Variants in ATXN1 observed in about 807,000 individuals in gnomAD.
The protein encoded by ATXN1 is ataxin 1.
In ATXN1, 8 loss-of-function variants were observed where a neutral mutation model predicts 56.4. The observed-to-expected ratio is 0.14, with a 90% CI of 0.08 to 0.26. The LOEUF (loss-of-function observed/expected upper bound fraction) is 0.26. Among genes scored for constraint, ATXN1 ranks in the 10% least tolerant of loss-of-function variants. The pLI is 1.00. For missense variants in ATXN1, 987 were observed against 1,106.5 expected (o/e 0.89, Z 1.53); for synonymous variants, 514 against 494.6 (o/e 1.04, Z -0.52).
At chr6:16,654,593 A>G (rs1758153930) in intron 3 of ATXN1, among the ~76,000 whole-genome samples, 1 of 150,940 alleles carries the variant, frequency 6.6e-6, no homozygotes, top group Non-Finnish European at 1.5e-5. Flanking sequence ...CCAGTCAGTG[A>G]AGTCCTGAGG....
intron 3 of ATXN1, among the ~76,000 whole-genome samples, chr6:16,653,374 T>C (rs774950033): frequency 6.6e-6 from 1 of 152,252 alleles, no homozygotes. Context: ...GTGCGTCCAC[T>C]AGAGCTAAAC....
At chr6:16,378,239 C>T (rs1762182736) in intron 6 of ATXN1, among the ~76,000 whole-genome samples, 1 of 152,262 alleles carries the variant, frequency 6.6e-6, no homozygotes, top group African/African-American at 2.4e-5. Context: ...GTACCACTCC[C>T]CTGGTCTGTC....
intron 4 of ATXN1, among the ~76,000 whole-genome samples, chr6:16,537,954 T>G (rs955794834): frequency 6.6e-6 from 1 of 152,006 alleles, no homozygotes; most frequent in Admixed American, 6.6e-5. Context: ...AATACAAAAA[T>G]TAGCCAGGCA....
Position 16,423,782 on chromosome 6 carries a change from G to C in ATXN1, c.-161+62190C>G, listed in dbSNP as rs1759083876. On this transcript the variant is annotated intron_variant, in intron 6 of 7. Coordinates refer to ENST00000436367, the MANE Select transcript of ATXN1 (RefSeq NM_001128164.2). ...TACAGTGCTCCTGGAGAAGCAAGTT[G>C]GAGGCTGCTGGTATCATGCATACAC... Among the ~76,000 whole-genome samples the C allele has an allele frequency of 2.0e-5, 3 of 152,216 alleles. No homozygotes were observed. The South Asian group carries it at 6.2e-4, about 32-fold the overall frequency.
intron 4 of ATXN1, among the ~76,000 whole-genome samples, chr6:16,546,113 G>A (rs1044073113): frequency 5.3e-5 from 8 of 152,160 alleles, no homozygotes; most frequent in Non-Finnish European, 1.0e-4. Context: ...GTAGGAGGGC[G>A]ATGGGAAGAA....
At chr6:16,566,749 G>A (rs1378197327) in intron 4 of ATXN1, among the ~76,000 whole-genome samples, 4 of 152,090 alleles carry the variant, frequency 2.6e-5, no homozygotes, top group African/African-American at 4.8e-5. Flanking sequence ...TCAGCTACTC[G>A]GGAGGCTGAG....
At chr6:16,481,288 T>G (rs969508866) in intron 6 of ATXN1, among the ~76,000 whole-genome samples, 26 of 152,288 alleles carry the variant, frequency 1.7e-4, no homozygotes, top group African/African-American at 6.0e-4. Flanking sequence ...GATTTTTTTT[T>G]TGTAACGCTG....
intron 6 of ATXN1, among the ~76,000 whole-genome samples, chr6:16,357,360 C>T (rs1213611575): frequency 3.9e-5 from 6 of 151,938 alleles, no homozygotes; most frequent in African/African-American, 1.5e-4. Flanking sequence ...ACCTCTGCCT[C>T]CCGGGTTCAA....
intron 3 of ATXN1, among the ~76,000 whole-genome samples, chr6:16,586,903 C>T (rs1253459886): frequency 1.3e-5 from 2 of 151,966 alleles, no homozygotes; most frequent in African/African-American, 4.8e-5. Flanking sequence ...CCCGTAATCC[C>T]AGCTACTCAG....
chr6:16,460,064 T>C (rs1245491435), intron 6 of ATXN1, among the ~76,000 whole-genome samples: 1 of 152,128 alleles, frequency 6.6e-6, no homozygotes, highest in African/African-American at 2.4e-5. Context: ...TTGGGATCAC[T>C]GGCTTTTACC....
intron 2 of ATXN1, among the ~76,000 whole-genome samples, chr6:16,697,301 T>C (rs1205499288): frequency 2.0e-5 from 3 of 152,350 alleles, no homozygotes; most frequent in African/African-American, 2.4e-5. Flanking sequence ...ACCAAACTTA[T>C]AATTTCCACT....
intron 5 of ATXN1, among the ~76,000 whole-genome samples, chr6:16,488,658 C>T (rs1257934094): frequency 6.6e-6 from 1 of 152,210 alleles, no homozygotes; most frequent in Non-Finnish European, 1.5e-5. Context: ...AAAGCATCAT[C>T]CAACAGGCTC....
At chr6:16,442,436 C>T (rs192185748) in intron 6 of ATXN1, among the ~76,000 whole-genome samples, 73 of 151,396 alleles carry the variant, frequency 4.8e-4, no homozygotes, top group Admixed American at 2.6e-3. Context: ...TACATATAGC[C>T]AGAACGATAT....
intron 4 of ATXN1, among the ~76,000 whole-genome samples, chr6:16,526,233 T>C (rs900175572): frequency 3.3e-5 from 5 of 151,936 alleles, no homozygotes; most frequent in Non-Finnish European, 7.4e-5. Flanking sequence ...AATGAACCAA[T>C]ACATATTTAT....
At chr6:16,494,467 A>C (rs1760733422) in intron 5 of ATXN1, among the ~76,000 whole-genome samples, 1 of 152,216 alleles carries the variant, frequency 6.6e-6, no homozygotes, top group South Asian at 2.1e-4. Flanking sequence ...TGCTGGAAAA[A>C]TGTCTATCCT....
intron 4 of ATXN1, among the ~76,000 whole-genome samples, chr6:16,550,059 G>A (rs1450056207): frequency 2.0e-5 from 3 of 149,250 alleles, no homozygotes; most frequent in Non-Finnish European, 4.4e-5. Context: ...GTTAATAGGT[G>A]CAGCAAACCA....
chr6:16,656,497 T>C (rs1758204770), intron 3 of ATXN1, among the ~76,000 whole-genome samples: 1 of 150,232 alleles, frequency 6.7e-6, no homozygotes, highest in African/African-American at 2.4e-5. Flanking sequence ...ACGGGGTTGA[T>C]AAAAAAAAAA....
At chr6:16,581,022 T>G (rs1291022294) in intron 4 of ATXN1, among the ~76,000 whole-genome samples, 1 of 152,158 alleles carries the variant, frequency 6.6e-6, no homozygotes, top group African/African-American at 2.4e-5. Context: ...CTTTTTCATT[T>G]CATTTTCAAC....
At chr6:16,712,994 CA>C (rs1759559261) in intron 2 of ATXN1, among the ~76,000 whole-genome samples, 1 of 152,128 alleles carries the variant, frequency 6.6e-6, no homozygotes, top group African/African-American at 2.4e-5. Flanking sequence ...CTCCTTTTTC[CA>C]GCTGAATTAC....
Sources: gnomAD v4.1 joint callset for allele counts (sites outside exome capture counted in the v4.1 genomes callset) on GRCh38, gnomAD v4.1.1 for gene constraint, MANE v1.5 for transcripts, NCBI Gene and HGNC (gene_info 2026-07-23, HGNC 2026-07-21) for gene names.